Variants in RUSC2 observed in about 807,000 individuals in gnomAD.
RUSC2 encodes the protein AP-4 complex accessory subunit RUSC2.
In RUSC2, 34 loss-of-function variants were observed where a neutral mutation model predicts 122.2. The observed-to-expected ratio is 0.28, with a 90% CI of 0.21 to 0.37. RUSC2 has a LOEUF of 0.37. RUSC2 is among the 10% of genes least tolerant of loss of function. RUSC2 has a pLI of 1.00. For missense variants in RUSC2, 1,747 were observed against 1,952.4 expected (o/e 0.89, Z 1.98); for synonymous variants, 784 against 790.0 (o/e 0.99, Z 0.13).
Position 35,547,699 on chromosome 9 carries a change from C to A in RUSC2, c.1178C>A (p.Thr393Lys). 6.2e-7 allele frequency: 1 copy of A among 1,614,162 alleles called. No homozygotes were observed. Among genetic ancestry groups the A allele is most frequent in the Non-Finnish European group, 8.5e-7 (1 of 1,180,036 alleles). The change falls in exon 2 of 12, where the codon ACA becomes AAA. Residue 393 changes from threonine to lysine, a missense_variant. Transcript: ENST00000361226. The surrounding 1 kb of genome is among the most constrained non-coding windows in gnomAD (Gnocchi z 4.6). ...AGCCAGGCCCGTCTTGTTGTGGCCA[C>A]ACAAAATTACTATAAACTTGTCACC... ...FQSQARLVVA[T>K]QNYYKLVTCD...
At position 35,558,275 on chromosome 9, in the gene RUSC2, G is replaced by A. The variant is rs780101951; in HGVS notation, c.3139G>A (p.Val1047Met). 4 of 1,614,172 alleles carry A rather than the reference G, an allele frequency of 2.5e-6. No homozygotes were observed. The highest frequency in any genetic ancestry group is 2.2e-5 in the East Asian group (1 of 44,878). ...GTACTTGTGCCCTGCCGTCCGCGCC[G>A]TGCTGGAGGATGGGCTCAAGGCCTT... ...LKYLCPAVRAVLEDGLKAFVL... is the reference protein window; with the variant it reads ...LKYLCPAVRAMLEDGLKAFVL... Residue 1047 changes from valine to methionine, a missense_variant, in exon 7 of 12, where the codon GTG becomes ATG. Physicochemically the swap from Val to Met is conservative, Grantham distance 21. Transcript: ENST00000361226. The surrounding 1 kb of genome is among the most constrained non-coding windows in gnomAD (Gnocchi z 4.3).
At chr9:35,499,800 A>G (rs1403801619) in intron 1 of RUSC2, among the ~76,000 whole-genome samples, 1 of 152,216 alleles carries the variant, frequency 6.6e-6, no homozygotes, top group African/African-American at 2.4e-5. Flanking sequence ...AGGCAAAAGA[A>G]AAAGAGCAAA....
chr9:35,493,942 A>G (rs1170205744), intron 1 of RUSC2, among the ~76,000 whole-genome samples: 1 of 152,210 alleles, frequency 6.6e-6, no homozygotes, highest in Non-Finnish European at 1.5e-5. Context: ...ACATGAGTGT[A>G]CAGATATGTT....
At chr9:35,559,761 C>A (rs118189793) in intron 9 of RUSC2, among the ~76,000 whole-genome samples, 1 of 152,102 alleles carries the variant, frequency 6.6e-6, no homozygotes, top group Admixed American at 6.6e-5. Context: ...AACCTTGGAG[C>A]CAGCAGGATA....
Position 35,555,011 on chromosome 9 carries a change from T to A in RUSC2, c.2015-49T>A. The stretch of plus-strand genomic sequence containing the variant: ...CTCTGCTTCTGGGTTTTCTCTCATA[T>A]GGGTTTCAGTGTCTGTCTACTGATT... On this transcript the variant is annotated intron_variant, in intron 2 of 11. Transcript: ENST00000361226. This position sits in a 1 kb window ranked among gnomAD's most constrained non-coding sequence, Gnocchi z 4.6. 6.3e-7 allele frequency: 1 copy of A among 1,599,076 alleles called. No individual in the cohort carries two copies. The highest frequency in any genetic ancestry group is 8.5e-7 in the Non-Finnish European group (1 of 1,177,240).
chr9:35,556,304 C>T lies in RUSC2; in HGVS notation c.2843-4C>T. 6.2e-7 allele frequency: 1 copy of T among 1,613,688 alleles called. No homozygotes were observed. The highest frequency in any genetic ancestry group is 8.5e-7 in the Non-Finnish European group (1 of 1,179,844). ...CTCAGGATTGATTTTTCTCTTCTTT[C>T]CAGGCCAAGCAGTGAAGCCGTTACC... On this transcript the variant is annotated splice_polypyrimidine_tract_variant and splice_region_variant and intron_variant, in intron 4 of 11. Transcript: ENST00000361226.
chr9:35,536,101 C>T (rs1821521564), intron 1 of RUSC2, among the ~76,000 whole-genome samples: 2 of 152,234 alleles, frequency 1.3e-5, no homozygotes, highest in South Asian at 2.1e-4. Flanking sequence ...TCTCAGGGAC[C>T]GATGCTATTG....
At chr9:35,549,632 T>C (rs1821843231) in intron 2 of RUSC2, among the ~76,000 whole-genome samples, 1 of 152,136 alleles carries the variant, frequency 6.6e-6, no homozygotes, top group Admixed American at 6.5e-5. Context: ...AGAAAGATGA[T>C]TAGGATTGGG....
chr9:35,511,846 T>G (rs943202490), intron 1 of RUSC2, among the ~76,000 whole-genome samples: 21 of 152,206 alleles, frequency 1.4e-4, no homozygotes, highest in African/African-American at 4.6e-4. Flanking sequence ...AGGTTTATGT[T>G]ATCTACCTGT....
chr9:35,494,682 G>C (rs1242063319), intron 1 of RUSC2, among the ~76,000 whole-genome samples: 3 of 151,408 alleles, frequency 2.0e-5, no homozygotes. Context: ...AATACATTTT[G>C]GACATTAATC....
chr9:35,491,595 T>A (rs927521277), intron 1 of RUSC2, among the ~76,000 whole-genome samples: 1 of 152,212 alleles, frequency 6.6e-6, no homozygotes, highest in Non-Finnish European at 1.5e-5. Flanking sequence ...CATTCATCCA[T>A]TGCTAGTTTT....
chr9:35,558,305 C>T lies in RUSC2; in HGVS notation c.3169C>T (p.Leu1057=). ...GGAGGATGGGCTCAAGGCCTTTGTA[C>T]TGGACGTCATCATCGGGCAGCGTAA... ...VLEDGLKAFV[L]DVIIGQRKNM... Residue 1057 remains leucine (L), a synonymous_variant, in exon 7 of 12, where the codon CTG becomes TTG. Coordinates refer to ENST00000361226, the MANE Select transcript of RUSC2 (RefSeq NM_014806.5). The surrounding 1 kb of genome is among the most constrained non-coding windows in gnomAD (Gnocchi z 4.3). The T allele has an allele frequency of 6.2e-7, 1 of 1,614,190 alleles. No individual in the cohort carries two copies. Among genetic ancestry groups the T allele is most frequent in the East Asian group, 2.2e-5 (1 of 44,878 alleles).
chr9:35,495,072 T>TATATACTATATATA (rs1820664123), intron 1 of RUSC2, among the ~76,000 whole-genome samples: 1 of 17,714 alleles, frequency 5.6e-5, no homozygotes, highest in Non-Finnish European at 1.1e-4. Context: ...TAGTATATAT[T>TATATACTATATATA]ATATATAGTA....
Position 35,558,340 on chromosome 9 carries a change from A to G in RUSC2, c.3204A>G (p.Pro1068=), listed in dbSNP as rs746547154. 1.6e-5 allele frequency: 26 copies of G among 1,614,004 alleles called. No homozygotes were observed. The highest frequency in any genetic ancestry group is 4.5e-5 in the East Asian group (2 of 44,892). ...TCATCGGGCAGCGTAAGAACATGCC[A>G]TGGAGTGTGGTTGAGGCTTCCACAC... ...DVIIGQRKNM[P]WSVVEASTQL... The change falls in exon 7 of 12, where the codon CCA becomes CCG. Residue 1068 remains proline (P), a synonymous_variant. Transcript: ENST00000361226. This position sits in a 1 kb window ranked among gnomAD's most constrained non-coding sequence, Gnocchi z 4.3.
intron 1 of RUSC2, among the ~76,000 whole-genome samples, chr9:35,527,724 T>A (rs913997192): frequency 6.6e-6 from 1 of 152,242 alleles, no homozygotes; most frequent in Admixed American, 6.5e-5. Flanking sequence ...AATTATAAAC[T>A]AATTTTTCTT....
chr9:35,525,527 CGGT>C (rs1473092668), intron 1 of RUSC2, among the ~76,000 whole-genome samples: 1 of 151,944 alleles, frequency 6.6e-6, no homozygotes, highest in Non-Finnish European at 1.5e-5. Flanking sequence ...TGGTCGAGCA[CGGT>C]GGCTCATGCC....
intron 1 of RUSC2, among the ~76,000 whole-genome samples, chr9:35,504,509 A>G (rs1424405067): frequency 7.0e-6 from 1 of 143,528 alleles, no homozygotes; most frequent in African/African-American, 2.6e-5. Context: ...CTTGTTGCCC[A>G]GGCTGGAGTG....
At position 35,547,032 on chromosome 9, in the gene RUSC2, G is replaced by C. The variant is rs758022720; in HGVS notation, c.511G>C (p.Gly171Arg). ...ACGCAGTCGGGCTGGAGTGGTGGAAGGGCAGGAACAGGAGCCAGTGATGAC... is the reference window on the plus strand; with the variant it reads ...ACGCAGTCGGGCTGGAGTGGTGGAACGGCAGGAACAGGAGCCAGTGATGAC... Reference protein sequence around the residue: ...TTRSRAGVVEGQEQEPVMTLD... With the variant: ...TTRSRAGVVERQEQEPVMTLD... The change falls in exon 2 of 12, where the codon GGG becomes CGG. Residue 171 changes from glycine (G) to arginine (R), a missense_variant. Gly to Arg is a moderately radical substitution (Grantham distance 125). Coordinates refer to ENST00000361226, the MANE Select transcript of RUSC2 (RefSeq NM_014806.5). The surrounding 1 kb of genome is among the most constrained non-coding windows in gnomAD (Gnocchi z 4.6). 1.2e-6 allele frequency: 2 copies of C among 1,609,168 alleles called. No individual in the cohort carries two copies. The highest frequency in any genetic ancestry group is 1.3e-5 in the African/African-American group (1 of 75,008).
intron 1 of RUSC2, among the ~76,000 whole-genome samples, chr9:35,503,007 T>G (rs1820845037): frequency 6.6e-6 from 1 of 152,056 alleles, no homozygotes; most frequent in African/African-American, 2.4e-5. Flanking sequence ...ATTACAGGCA[T>G]GCAACACCAT....
Sources: gnomAD v4.1 joint callset for allele counts (sites outside exome capture counted in the v4.1 genomes callset) on GRCh38, gnomAD v4.1.1 for gene constraint, Gnocchi (gnomAD v3.1) non-coding constraint, MANE v1.5 for transcripts, NCBI Gene and HGNC (gene_info 2026-07-23, HGNC 2026-07-21) for gene names.